Variants in ATP8A1 observed in about 807,000 individuals in gnomAD.
ATP8A1 encodes the protein ATPase phospholipid transporting 8A1, also known as phospholipid-transporting ATPase IA.
In ATP8A1, 90 loss-of-function variants were observed where a neutral mutation model predicts 177.7. The ratio of observed to expected loss-of-function variants is 0.51; its 90% confidence interval spans 0.43 to 0.60. The LOEUF is 0.60. ATP8A1 is among the 20% of genes least tolerant of loss of function. ATP8A1 has a pLI of 0.00. For synonymous variants in ATP8A1, 493 were observed against 485.9 expected (o/e 1.01, Z -0.19); for missense variants, 1,072 against 1,392.8 (o/e 0.77, Z 3.67).
chr4:42,479,996 TTGTGTGTGTGTGTGTGTGTG>T (rs376966152), intron 25 of ATP8A1, among the ~76,000 whole-genome samples: 1 of 135,590 alleles, frequency 7.4e-6, no homozygotes, highest in Admixed American at 7.5e-5. Context: ...GCAGTTCTGC[TTGTGTGTGTGTGTGTGTGTG>T]TGTGTGTGTG....
chr4:42,448,396 C>CTTTACATTTTTTTTTTT (rs778022629), intron 30 of ATP8A1, among the ~76,000 whole-genome samples: 2 of 84,132 alleles, frequency 2.4e-5, no homozygotes, highest in Non-Finnish European at 4.6e-5. Context: ...CCTTCTCTTT[C>CTTTACATTTTTTTTTTT]TTTTCTTTTT....
intron 1 of ATP8A1, among the ~76,000 whole-genome samples, chr4:42,634,393 A>T (rs1049230752): frequency 6.6e-6 from 1 of 152,224 alleles, no homozygotes; most frequent in Admixed American, 6.5e-5. Flanking sequence ...TGTTCAAATT[A>T]ATTTTGCCCA....
chr4:42,481,386 G>A (rs141356638), intron 25 of ATP8A1, among the ~76,000 whole-genome samples: 47 of 152,252 alleles, frequency 3.1e-4, no homozygotes, highest in Admixed American at 5.2e-4. Context: ...CTATATCTGG[G>A]TTCCCTGGAA....
intron 16 of ATP8A1, among the ~76,000 whole-genome samples, chr4:42,555,122 TATC>T (rs1560454159): frequency 9.8e-4 from 92 of 93,674 alleles, no homozygotes; most frequent in Middle Eastern, 4.4e-3. Flanking sequence ...TCTATCTATC[TATC>T]TATCTATCTA....
In ATP8A1 at chr4:42,522,060, G is replaced by GAA. The variant is rs145763678; in HGVS notation, c.1947+99_1947+100insTT. On this transcript the variant is annotated intron_variant, in intron 22 of 36. Transcript: ENST00000381668. ...GAGGGTATTCAATAGTGAATGGTAT[G>GAA]TCAAGATATTTTGATTTTTATTCCA... 4,438 of 1,344,962 alleles carry GAA rather than the reference G, an allele frequency of 3.3e-3. 125 individuals are homozygous for GAA. In the African/African-American group the frequency reaches 0.058, roughly 18 times the overall value. The allele number at this position is 1,344,962 out of a possible 1,614,324, so 83.3% of individuals were successfully genotyped here. A position where few individuals can be genotyped will look rare whatever the true frequency, so the allele number is the denominator to read the frequency against.
At chr4:42,428,380 T>C (rs1393211329) in intron 33 of ATP8A1, among the ~76,000 whole-genome samples, 6 of 152,232 alleles carry the variant, frequency 3.9e-5, no homozygotes, top group Non-Finnish European at 8.8e-5. Context: ...TGGTACAAGC[T>C]ATTCAGGGAA....
At chr4:42,502,683 A>G (rs890768231) in intron 24 of ATP8A1, among the ~76,000 whole-genome samples, 1 of 152,208 alleles carries the variant, frequency 6.6e-6, no homozygotes, top group African/African-American at 2.4e-5. Context: ...TCCCTTCTGC[A>G]GTCATTTCTT....
intron 15 of ATP8A1, among the ~76,000 whole-genome samples, chr4:42,567,063 G>T (rs1372840697): frequency 6.6e-6 from 1 of 152,176 alleles, no homozygotes. Flanking sequence ...TGAGTAACTT[G>T]TTCAACAGTA....
chr4:42,538,137 T>C (rs1291785392), intron 20 of ATP8A1, among the ~76,000 whole-genome samples: 1 of 152,158 alleles, frequency 6.6e-6, no homozygotes, highest in Non-Finnish European at 1.5e-5. Flanking sequence ...AACTGATCTT[T>C]AGCAAAGCAA....
intron 19 of ATP8A1, among the ~76,000 whole-genome samples, chr4:42,546,769 A>T (rs1173804899): frequency 6.6e-6 from 1 of 151,974 alleles, no homozygotes; most frequent in Non-Finnish European, 1.5e-5. Context: ...AATACTTCTC[A>T]AACTTCTTAC....
intron 25 of ATP8A1, among the ~76,000 whole-genome samples, chr4:42,478,275 G>C (rs1721289836): frequency 6.6e-6 from 1 of 152,120 alleles, no homozygotes; most frequent in Non-Finnish European, 1.5e-5. Flanking sequence ...AGGATCACTT[G>C]AGTCTGGGGC....
chr4:42,584,451 T>G (rs563720796), intron 9 of ATP8A1, among the ~76,000 whole-genome samples: 1 of 152,350 alleles, frequency 6.6e-6, no homozygotes, highest in African/African-American at 2.4e-5. Context: ...CTAATCAATT[T>G]CAATGATCTC....
intron 4 of ATP8A1, among the ~76,000 whole-genome samples, chr4:42,618,414 T>C (rs1737124396): frequency 6.6e-6 from 1 of 152,228 alleles, no homozygotes; most frequent in Admixed American, 6.5e-5. Flanking sequence ...CGATTATATC[T>C]GGTTGCCTCT....
chr4:42,471,523 A>C (rs563536269), intron 25 of ATP8A1, among the ~76,000 whole-genome samples: 4 of 152,352 alleles, frequency 2.6e-5, no homozygotes, highest in South Asian at 4.1e-4. Context: ...TAGTTTAAAT[A>C]GGGACCGTTT....
At position 42,477,838 on chromosome 4, in the gene ATP8A1, C is replaced by T. The variant is rs192020224; in HGVS notation, c.2324+7658G>A. Among the ~76,000 whole-genome samples the T allele has an allele frequency of 1.6e-3, 231 of 148,750 alleles. 1 individual carries two copies. Among genetic ancestry groups the T allele is most frequent in the African/African-American group, 5.1e-3 (204 of 40,194 alleles). ...AAAAAAAAAAAAGTTTAAAAATTAGCTGGGAGTAGTGGCGCAGGCCTGTTA... is the reference window on the plus strand; with the variant it reads ...AAAAAAAAAAAAGTTTAAAAATTAGTTGGGAGTAGTGGCGCAGGCCTGTTA... On this transcript the variant is annotated intron_variant, in intron 25 of 36. Coordinates refer to ENST00000381668, the MANE Select transcript of ATP8A1 (RefSeq NM_006095.2).
chr4:42,648,890 A>G (rs1216943607), intron 1 of ATP8A1, among the ~76,000 whole-genome samples: 1 of 152,202 alleles, frequency 6.6e-6, no homozygotes, highest in Non-Finnish European at 1.5e-5. Flanking sequence ...TATATCCATA[A>G]GGAGGAAGAA....
At chr4:42,640,430 A>T (rs1036504315) in intron 1 of ATP8A1, among the ~76,000 whole-genome samples, 6 of 152,238 alleles carry the variant, frequency 3.9e-5, no homozygotes, top group African/African-American at 1.4e-4. Context: ...TTTGAGGCCA[A>T]TGCTAGTCAA....
chr4:42,443,276 T>C (rs1179378688), intron 33 of ATP8A1, among the ~76,000 whole-genome samples: 1 of 152,212 alleles, frequency 6.6e-6, no homozygotes, highest in Non-Finnish European at 1.5e-5. Flanking sequence ...TAAAATGGCA[T>C]CTTCTATATG....
intron 24 of ATP8A1, among the ~76,000 whole-genome samples, chr4:42,495,461 A>G (rs1723174331): frequency 6.6e-6 from 1 of 152,234 alleles, no homozygotes; most frequent in Non-Finnish European, 1.5e-5. Flanking sequence ...AAAAGAACGT[A>G]TGCCTGAGAG....
Sources: gnomAD v4.1 joint callset for allele counts (sites outside exome capture counted in the v4.1 genomes callset) on GRCh38, gnomAD v4.1.1 for gene constraint, MANE v1.5 for transcripts, NCBI Gene and HGNC (gene_info 2026-07-23, HGNC 2026-07-21) for gene names.